The following TTN variants were observed in gnomAD, a reference collection of about 807,000 sequenced individuals.
The protein encoded by TTN is titin.
In TTN, 1,525 loss-of-function variants were observed where a neutral mutation model predicts 3,223.0. The ratio of observed to expected loss-of-function variants is 0.47; its 90% CI spans 0.45 to 0.49. TTN has a LOEUF of 0.49. Ranked by LOEUF, TTN falls within the 20% of genes least tolerant of loss-of-function variation. The probability of loss-of-function intolerance (pLI) is 0.00; values close to 1 mark genes in which losing one functional copy is unlikely to be tolerated. For synonymous variants in TTN, 14,094 were observed against 15,161.0 expected (o/e 0.93, Z 5.17); for missense variants, 40,786 against 43,424.0 (o/e 0.94, Z 5.40).
chr2:178,674,383 T>C lies in TTN; in HGVS notation c.34639A>G (p.Ile11547Val), dbSNP rs2067601867. The change falls in exon 151 of 363, where the codon ATT becomes GTT. Residue 11547 changes from isoleucine (I) to valine (V), a missense_variant. Transcript: ENST00000589042. ...TCTTCTGGGATTTCTTCTTCTGAAATAGGCTCTTCTTCAGGCTCCTCAGTC... is the reference window on the plus strand; with the variant it reads ...TCTTCTGGGATTTCTTCTTCTGAAACAGGCTCTTCTTCAGGCTCCTCAGTC... ...EVTEEPEEEP[I>V]SEEEIPEEPP... is the part of the protein sequence containing the mutation. 2 of 1,590,676 alleles carry C rather than the reference T, an allele frequency of 1.3e-6. No individual in the cohort carries two copies. Among genetic ancestry groups the C allele is most frequent in the African/African-American group, 1.3e-5 (1 of 74,492 alleles).
Position 178,711,137 on chromosome 2 carries a change from G to A in TTN, c.28099C>T (p.Leu9367Phe), listed in dbSNP as rs748483786. The A allele has an allele frequency of 2.2e-5, 36 of 1,613,752 alleles. No homozygotes were observed. Among genetic ancestry groups the A allele is most frequent in the Middle Eastern group, 1.6e-4 (1 of 6,080 alleles). Residue 9367 changes from leucine (L) to phenylalanine (F), a missense_variant, in exon 97 of 363, where the codon CTT becomes TTT. Transcript: ENST00000589042. ...TLNIFKTDRS[L>F]AGQYSCTATN... is the part of the protein sequence containing the mutation. Reference sequence around the variant, plus strand: ...GCTGTGCAGGAATACTGGCCTGCAAGGCTCCGGTCAGTTTTAAAAATATTG... The same window carrying A: ...GCTGTGCAGGAATACTGGCCTGCAAAGCTCCGGTCAGTTTTAAAAATATTG...
At position 178,734,914 on chromosome 2, in the gene TTN, T is replaced by C; in HGVS notation, c.15010A>G (p.Lys5004Glu). The C allele has an allele frequency of 6.2e-7, 1 of 1,612,724 alleles. No individual in the cohort carries two copies. The highest frequency in any genetic ancestry group is 8.5e-7 in the Non-Finnish European group (1 of 1,179,250). Residue 5004 changes from lysine to glutamate, a missense_variant, in exon 51 of 363, where the codon AAG becomes GAG. Transcript: ENST00000589042. The stretch of plus-strand genomic sequence containing the variant: ...TGGATCACAGGTGAGCCTTTCAGCT[T>C]GCAATGGAGGCGTGCTGATTCACCT... ...LPGESARLHC[K>E]LKGSPVIQVT...
chr2:178,739,489 CAGAGGA>C lies in TTN; in HGVS notation c.13738_13743del (p.Ser4580_Ser4581del). On this transcript the variant is annotated inframe_deletion, in exon 48 of 363. Transcript: ENST00000589042. ...GTAGCAACCTCCTCAGTACCACTTTCAGAGGAAGACTCCTCTTTTTCCTCTGATGGT... is the reference window on the plus strand; with the variant it reads ...GTAGCAACCTCCTCAGTACCACTTTCAGACTCCTCTTTTTCCTCTGATGGT... 1.2e-6 allele frequency: 2 copies of C among 1,613,820 alleles called. No individual in the cohort carries two copies. Among genetic ancestry groups the C allele is most frequent in the Admixed American group, 3.3e-5 (2 of 60,014 alleles).
In TTN at chr2:178,695,919, C is replaced by T; in HGVS notation, c.31153G>A (p.Glu10385Lys). ...ACTTCCCTTTCTTGGTAAGCCTCTT[C>T]CCACTCTTCCTCCCCTTCGTCATAG... The part of the protein sequence containing the change: ...EGYDEGEEEW[E>K]EAYQEREVIQ... The change falls in exon 114 of 363, where the codon GAA becomes AAA. Residue 10385 changes from glutamate to lysine, a missense_variant. Coordinates refer to ENST00000589042, the MANE Select transcript of TTN (RefSeq NM_001267550.2). 6.7e-7 allele frequency: 1 copy of T among 1,486,112 alleles called. No homozygotes were observed. The highest frequency in any genetic ancestry group is 8.9e-7 in the Non-Finnish European group (1 of 1,119,334). 92.1% of individuals were successfully genotyped at this position (1,486,112 alleles called of 1,614,324 possible).
At chr2:178,799,399 G>A (rs1016866359) in intron 6 of TTN, 88 bp downstream of exon 6, 4 of 1,599,434 alleles carry the variant, frequency 2.5e-6, no homozygotes, top group Non-Finnish European at 2.6e-6. Flanking sequence ...CGCGTCGCAT[G>A]CCCTGCGAGG....
Position 178,677,891 on chromosome 2 carries a change from C to A in TTN, c.34021G>T (p.Val11341Phe). ...TCTTCCTGAGGTAGAGCTACAGGAA[C>A]TGGAACTGGTTCACGTTTCTTTGGC... ...KVPKKREPVPVPVALPQEEEV... is the reference protein window; with the variant it reads ...KVPKKREPVPFPVALPQEEEV... Residue 11341 changes from valine to phenylalanine, a missense_variant, in exon 146 of 363, where the codon GTT (valine) becomes TTT (phenylalanine). Val to Phe is a conservative substitution (Grantham distance 50). Coordinates refer to ENST00000589042, the MANE Select transcript of TTN (RefSeq NM_001267550.2). 6.2e-7 allele frequency: 1 copy of A among 1,606,206 alleles called. No homozygotes were observed. The highest frequency in any genetic ancestry group is 8.5e-7 in the Non-Finnish European group (1 of 1,176,994).
rs959185764 is a variant in TTN at position 178,611,910 on chromosome 2, T to G, written c.50399A>C (p.Lys16800Thr). 23 of 1,612,590 alleles carry G rather than the reference T, an allele frequency of 1.4e-5. No individual in the cohort carries two copies. Among genetic ancestry groups the G allele is most frequent in the Non-Finnish European group, 1.8e-5 (21 of 1,179,230 alleles). ...KKERLGTRWV[K>T]AGKTAGPDCN... ...GTCAGGTCCTGCAGTCTTTCCAGCT[T>G]TCACCCAACGGGTACCTAACCTTTC... Residue 16800 changes from lysine (K) to threonine (T), a missense_variant, in exon 268 of 363, where the codon AAA (lysine) becomes ACA (threonine). Transcript: ENST00000589042.
Position 178,532,612 on chromosome 2 carries a change from T to A in TTN, c.104003A>T (p.Asp34668Val). ...ISDEELLLPI[D>V]DYLAMKRTEE... ...TGTTCTTTTCATTGCTAAGTAGTCA[T>A]CAATGGGGAGGAGTAATTCTTCATC... Residue 34668 changes from aspartate (D) to valine (V), a missense_variant, in exon 358 of 363, where the codon GAT (aspartate) becomes GTT (valine). Coordinates refer to ENST00000589042, the MANE Select transcript of TTN (RefSeq NM_001267550.2). 6.2e-7 allele frequency: 1 copy of A among 1,613,968 alleles called. No homozygotes were observed. Among genetic ancestry groups the A allele is most frequent in the Non-Finnish European group, 8.5e-7 (1 of 1,179,864 alleles).
chr2:178,567,923 A>G lies in TTN; in HGVS notation c.78209T>C (p.Ile26070Thr). The G allele has an allele frequency of 1.2e-6, 2 of 1,613,552 alleles. No individual in the cohort carries two copies. Among genetic ancestry groups the G allele is most frequent in the Non-Finnish European group, 1.7e-6 (2 of 1,179,608 alleles). Residue 26070 changes from isoleucine (I) to threonine (T), a missense_variant, in exon 326 of 363, where the codon ATT becomes ACT. Physicochemically the swap from Ile to Thr is moderately conservative, Grantham distance 89 (BLOSUM62 -1). Coordinates refer to ENST00000589042, the MANE Select transcript of TTN (RefSeq NM_001267550.2). ...CTTGCTTGCTTTGCCTACACCAACA[A>G]TATTTTCAGCATACACTCTGAATTC... ...EYEFRVYAEN[I>T]VGVGKASKNS... is the part of the protein sequence containing the mutation.
chr2:178,675,423 G>C (rs1416487817), intron 149 of TTN: 4 of 379,498 alleles, frequency 1.1e-5, no homozygotes, highest in East Asian at 8.0e-5. Flanking sequence ...TAGTTCCTTA[G>C]TTATTTTTGG....
chr2:178,637,777 A>G (rs1214872906), intron 223 of TTN, among the ~76,000 whole-genome samples: 1 of 152,096 alleles, frequency 6.6e-6, no homozygotes, highest in African/African-American at 2.4e-5. Context: ...AACCAAGGAA[A>G]TAAGGTTTTG....
Position 178,567,912 on chromosome 2 carries a change from C to T in TTN, c.78220G>A (p.Gly26074Ser). 6.2e-7 allele frequency: 1 copy of T among 1,613,548 alleles called. No homozygotes were observed. The highest frequency in any genetic ancestry group is 1.7e-5 in the Admixed American group (1 of 59,990). Residue 26074 changes from glycine to serine, a missense_variant, in exon 326 of 363, where the codon GGC becomes AGC. Physicochemically the swap from Gly to Ser is moderately conservative, Grantham distance 56 (BLOSUM62 0). Coordinates refer to ENST00000589042, the MANE Select transcript of TTN (RefSeq NM_001267550.2). ...RVYAENIVGV[G>S]KASKNSECYV... ...CATTCAGAATTCTTGCTTGCTTTGC[C>T]TACACCAACAATATTTTCAGCATAC... is the stretch of plus-strand genomic sequence containing the variant.
intron 165 of TTN, 110 bp from the exon 166 acceptor site, chr2:178,665,036 C>T (rs2065661791): frequency 1.2e-5 from 15 of 1,276,734 alleles, no homozygotes; most frequent in South Asian, 4.1e-5. Context: ...CCTCCATCCT[C>T]CCTTTGTTCC....
Position 178,800,518 on chromosome 2 carries a change from G to T in TTN, c.460C>A (p.Gln154Lys). ...AGTAAGCTGTAGAGGTCGCCTTCTT[G>T]TGAAATTTGGAAATCAAGGGAGCTC... is the stretch of plus-strand genomic sequence containing the variant. ...IQSSLDFQIS[Q>K]EGDLYSLLIA... Residue 154 changes from glutamine to lysine, a missense_variant, in exon 4 of 363, where the codon CAA (glutamine) becomes AAA (lysine). Gln to Lys is a moderately conservative substitution (Grantham distance 53). Transcript: ENST00000589042. The T allele has an allele frequency of 6.2e-7, 1 of 1,614,174 alleles. No individual in the cohort carries two copies. The highest frequency in any genetic ancestry group is 8.5e-7 in the Non-Finnish European group (1 of 1,180,012).
At position 178,799,698 on chromosome 2, in the gene TTN, C is replaced by G; in HGVS notation, c.703G>C (p.Ala235Pro). 1 of 1,614,126 alleles carries G rather than the reference C, an allele frequency of 6.2e-7. No homozygotes were observed. The highest frequency in any genetic ancestry group is 8.5e-7 in the Non-Finnish European group (1 of 1,180,006). The change falls in exon 6 of 363, where the codon GCA becomes CCA. Residue 235 changes from alanine (A) to proline (P), a missense_variant. Physicochemically the swap from Ala to Pro is conservative, Grantham distance 27. Coordinates refer to ENST00000589042, the MANE Select transcript of TTN (RefSeq NM_001267550.2). Reference sequence around the variant, plus strand: ...CCATCTATGACCATCTCAACTGTTGCAATTGATCTGGCATCAAAGTGGGCT... The same window carrying G: ...CCATCTATGACCATCTCAACTGTTGGAATTGATCTGGCATCAAAGTGGGCT... ...IEAHFDARSI[A>P]TVEMVIDGAA...
At chr2:178,718,624 A>G (rs2077863325) in intron 84 of TTN, 24 bp from the exon 85 acceptor site, 1 of 1,604,132 alleles carries the variant, frequency 6.2e-7, no homozygotes, top group Non-Finnish European at 8.5e-7. Flanking sequence ...ACATGTGGGT[A>G]AAATTCTTGC....
Position 178,572,170 on chromosome 2 carries a change from C to CT in TTN, c.73961dup (p.Met24655AspfsTer7). ...ATTTGTCACTGCCTTTGGTCTGCAT[C>CT]TCCACAATGTAGCCTAGAATTCGGC... On this transcript the variant is annotated frameshift_variant, in exon 326 of 363. Coordinates refer to ENST00000589042, the MANE Select transcript of TTN (RefSeq NM_001267550.2). LOFTEE classifies it high-confidence loss of function. 6.2e-7 allele frequency: 1 copy of CT among 1,613,434 alleles called. No individual in the cohort carries two copies. The highest frequency in any genetic ancestry group is 8.5e-7 in the Non-Finnish European group (1 of 1,179,618).
chr2:178,720,943 G>A lies in TTN; in HGVS notation c.23076C>T (p.Cys7692=), dbSNP rs769505705. 1.3e-5 allele frequency: 20 copies of A among 1,597,476 alleles called. No homozygotes were observed. The Admixed American group carries it at 1.7e-4, about 13-fold the overall frequency. ...AACCTTTCACTGTCAACGCTGTGCT[G>A]CAGCTGGCGTCACCAACACCATTAT... ...EAHNGVGDAS[C]STALTVKAPP... The change falls in exon 79 of 363, where the codon TGC becomes TGT. Residue 7692 remains cysteine (C), a synonymous_variant. Coordinates refer to ENST00000589042, the MANE Select transcript of TTN (RefSeq NM_001267550.2).
In TTN at chr2:178,804,624, T is replaced by C. The variant is rs752073551; in HGVS notation, c.19A>G (p.Thr7Ala). 6.2e-7 allele frequency: 1 copy of C among 1,613,874 alleles called. No individual in the cohort carries two copies. Residue 7 changes from threonine (T) to alanine (A), a missense_variant, in exon 2 of 363, where the codon ACG (threonine) becomes GCG (alanine). Transcript: ENST00000589042. MTTQAP[T>A]FTQPLQSVVV... ...ACGCTTTGTAACGGCTGCGTAAACG[T>C]CGGTGCTTGAGTTGTCATCTTTCTA...
Sources: allele counts gnomAD v4.1 joint callset (sites outside exome capture counted in the v4.1 genomes callset), GRCh38; gene constraint gnomAD v4.1.1; transcripts MANE v1.5; gene names NCBI Gene and HGNC (gene_info 2026-07-23, HGNC 2026-07-21).